The following TANC2 variants were observed in gnomAD, a reference collection of about 807,000 sequenced individuals.
The protein encoded by TANC2 is tetratricopeptide repeat, ankyrin repeat and coiled-coil containing 2, also known as protein TANC2.
Under a neutral mutation model 210.5 loss-of-function variants are expected in TANC2, and 26 were observed. The observed-to-expected ratio is 0.12, with a 90% CI of 0.09 to 0.17. The LOEUF is 0.17. TANC2 is among the 10% of genes least tolerant of loss of function. The pLI, the probability that TANC2 is intolerant of heterozygous loss-of-function variation, is 1.00. For synonymous variants in TANC2, 931 were observed against 967.1 expected, an observed-to-expected ratio of 0.96 and a Z score of 0.69; for missense variants, 2,129 against 2,608.9, an observed-to-expected ratio of 0.82 and a Z score of 4.01.
chr17:63,047,528 G>A (rs776425484), intron 2 of TANC2, among the ~76,000 whole-genome samples: 3 of 152,100 alleles, frequency 2.0e-5, no homozygotes, highest in African/African-American at 4.8e-5. Context: ...CTGTTGGAGA[G>A]TATCAGGTTT....
chr17:63,399,035 C>A, intron 19 of TANC2, 121 bp downstream of exon 19: 1 of 605,602 alleles, frequency 1.7e-6, no homozygotes, highest in Admixed American at 3.2e-5. Context: ...TTTTGTAATG[C>A]AGACTGATTC....
At position 63,274,213 on chromosome 17, in the gene TANC2, CT is replaced by C. The variant is rs35513380; in HGVS notation, c.1159+6351del. 3.4e-3 allele frequency among the ~76,000 whole-genome samples: 503 copies of C among 146,934 alleles called. 2 individuals are homozygous for C. Among genetic ancestry groups the C allele is most frequent in the African/African-American group, 0.011 (429 of 40,608 alleles). ...ACATTGCTTCATTAGTTAAAAAGTC[CT>C]TTTTTTTTTTCACTCTTCAAGACAG... On this transcript the variant is annotated intron_variant, in intron 9 of 27. Coordinates refer to ENST00000689528, the Ensembl canonical transcript of TANC2.
In TANC2 at chr17:63,419,987, T is replaced by C. The variant is rs2048973689; in HGVS notation, c.4269-12T>C. 6.6e-7 allele frequency: 1 copy of C among 1,526,478 alleles called. No individual in the cohort carries two copies. The highest frequency in any genetic ancestry group is 2.1e-5 in the Admixed American group (1 of 48,388). The allele number at this position is 1,526,478 out of a possible 1,614,324, so 94.6% of individuals were successfully genotyped here. Reference sequence around the variant, plus strand: ...ATAACTCCAGTTCCTGTGTTCACATTTTGTCAAGCAGACAGTTCGCAGCAG... The same window carrying C: ...ATAACTCCAGTTCCTGTGTTCACATCTTGTCAAGCAGACAGTTCGCAGCAG... On this transcript the variant is annotated splice_polypyrimidine_tract_variant and intron_variant, in intron 27 of 27. Transcript: ENST00000689528.
At chr17:63,134,652 A>G (rs1438572319) in intron 4 of TANC2, among the ~76,000 whole-genome samples, 2 of 152,226 alleles carry the variant, frequency 1.3e-5, no homozygotes, top group African/African-American at 4.8e-5. Flanking sequence ...TTTAATTATC[A>G]GAACAACTCA....
Position 63,412,749 on chromosome 17 carries a change from G to C in TANC2, c.3928+40G>C, listed in dbSNP as rs1418608894. On this transcript the variant is annotated intron_variant, in intron 24 of 27. Transcript: ENST00000689528. The surrounding 1 kb of genome is among the most constrained non-coding windows in gnomAD (Gnocchi z 4.2). The stretch of plus-strand genomic sequence containing the variant: ...TGTCAGCATCAGGCGTGGTCTGATG[G>C]CTTGGTCAGCTTTGCCTTCTCCTCT... 6.5e-7 allele frequency: 1 copy of C among 1,534,188 alleles called. No homozygotes were observed. Among genetic ancestry groups the C allele is most frequent in the Admixed American group, 2.0e-5 (1 of 50,718 alleles).
chr17:63,298,056 A>C lies in TANC2; in HGVS notation c.1160-16332A>C, dbSNP rs560614571. Among the ~76,000 whole-genome samples, 227 of 152,282 alleles carry C rather than the reference A, an allele frequency of 1.5e-3. 1 individual carries two copies. Among genetic ancestry groups the C allele is most frequent in the Middle Eastern group, 3.4e-3 (1 of 294 alleles). Reference sequence around the variant, plus strand: ...GTAATAAAAACAAAAAAAACTAACAAGTGTTAATGAGGATTTGGAAAAATA... The same window carrying C: ...GTAATAAAAACAAAAAAAACTAACACGTGTTAATGAGGATTTGGAAAAATA... On this transcript the variant is annotated intron_variant, in intron 9 of 27. Coordinates refer to ENST00000689528, the Ensembl canonical transcript of TANC2.
chr17:63,062,840 G>A (rs1013805280), intron 2 of TANC2, among the ~76,000 whole-genome samples: 3 of 152,046 alleles, frequency 2.0e-5, no homozygotes, highest in Non-Finnish European at 4.4e-5. Context: ...GATGTGTGGG[G>A]GCATTTTTTC....
At chr17:63,291,229 G>A (rs899631584) in intron 9 of TANC2, among the ~76,000 whole-genome samples, 1 of 152,144 alleles carries the variant, frequency 6.6e-6, no homozygotes, top group African/African-American at 2.4e-5. Context: ...TTTAAACAGG[G>A]AATGTGTTCC....
intron 15 of TANC2, among the ~76,000 whole-genome samples, chr17:63,382,165 C>T (rs925121514): frequency 4.6e-5 from 7 of 152,196 alleles, no homozygotes; most frequent in Non-Finnish European, 7.3e-5. Flanking sequence ...TATTCCAAAT[C>T]CAAAGCTATG....
intron 7 of TANC2, among the ~76,000 whole-genome samples, chr17:63,208,622 T>C (rs1434192019): frequency 6.6e-6 from 1 of 152,216 alleles, no homozygotes; most frequent in Non-Finnish European, 1.5e-5. Flanking sequence ...TACAACTGTT[T>C]CCAATATTAA....
chr17:63,073,704 G>T (rs536441899), intron 2 of TANC2, among the ~76,000 whole-genome samples: 1 of 152,066 alleles, frequency 6.6e-6, no homozygotes, highest in African/African-American at 2.4e-5. Flanking sequence ...ATATACATAT[G>T]GGGGAGGGGA....
chr17:63,389,847 C>A, intron 17 of TANC2: 1 of 355,458 alleles, frequency 2.8e-6, no homozygotes, highest in Non-Finnish European at 5.3e-6. Context: ...CTCTTTTTAA[C>A]AAAGAGAGGA....
intron 9 of TANC2, among the ~76,000 whole-genome samples, chr17:63,298,960 C>G (rs1316319987): frequency 3.9e-5 from 6 of 152,024 alleles, no homozygotes; most frequent in African/African-American, 7.2e-5. Flanking sequence ...TGTGTTGTTT[C>G]CCTCCCTGTG....
chr17:63,016,724 A>AT (rs993933138), intron 2 of TANC2, among the ~76,000 whole-genome samples: 2 of 151,848 alleles, frequency 1.3e-5, no homozygotes, highest in Non-Finnish European at 2.9e-5. Flanking sequence ...AACAGTTGTG[A>AT]TTTTCTTCCT....
intron 4 of TANC2, among the ~76,000 whole-genome samples, chr17:63,119,280 C>G (rs1415705418): frequency 2.6e-5 from 4 of 152,144 alleles, no homozygotes; most frequent in African/African-American, 9.7e-5. Flanking sequence ...AGTGATATGA[C>G]TAGGTTATTT....
intron 5 of TANC2, among the ~76,000 whole-genome samples, chr17:63,166,522 C>T (rs890153782): frequency 6.6e-6 from 1 of 152,178 alleles, no homozygotes; most frequent in African/African-American, 2.4e-5. Context: ...TTATTAGCTT[C>T]TGCTAGGAGT....
At chr17:63,016,549 C>CTT (rs1201924602) in intron 2 of TANC2, among the ~76,000 whole-genome samples, 1 of 152,088 alleles carries the variant, frequency 6.6e-6, no homozygotes, top group Admixed American at 6.5e-5. Context: ...ATATGAGTTT[C>CTT]TTTGAGTTTT....
At chr17:63,034,070 A>G (rs922300624) in intron 2 of TANC2, among the ~76,000 whole-genome samples, 1 of 152,154 alleles carries the variant, frequency 6.6e-6, no homozygotes, top group African/African-American at 2.4e-5. Context: ...TGGTTACACT[A>G]AACAACAGAT....
At chr17:63,003,226 A>T (rs1317476802) in intron 1 of TANC2, among the ~76,000 whole-genome samples, 2 of 152,218 alleles carry the variant, frequency 1.3e-5, no homozygotes, top group Non-Finnish European at 2.9e-5. Flanking sequence ...TTGAGCCCTT[A>T]TAATTTGGGT....
Sources: allele counts gnomAD v4.1 joint callset (sites outside exome capture counted in the v4.1 genomes callset), GRCh38; gene constraint gnomAD v4.1.1; non-coding constraint Gnocchi (gnomAD v3.1); transcripts MANE v1.5; gene names NCBI Gene and HGNC (gene_info 2026-07-23, HGNC 2026-07-21).